Variants in ADGRG6 observed in about 807,000 individuals in gnomAD.
ADGRG6 encodes adhesion G protein-coupled receptor G6.
Under a neutral mutation model 142.4 loss-of-function variants are expected in ADGRG6, and 84 were observed. That is an observed-to-expected ratio of 0.59 (90% CI 0.49 to 0.71). The LOEUF (loss-of-function observed/expected upper bound fraction) is 0.71. ADGRG6 is among the 30% of genes least tolerant of loss of function. ADGRG6 has a pLI of 0.00. For synonymous variants in ADGRG6, 521 were observed against 520.5 expected (o/e 1.00, Z -0.01); for missense variants, 1,367 against 1,466.6 (o/e 0.93, Z 1.11).
chr6:142,321,105 T>C (rs1778491605), intron 2 of ADGRG6, among the ~76,000 whole-genome samples: 1 of 151,908 alleles, frequency 6.6e-6, no homozygotes. Flanking sequence ...TTGAAATGTT[T>C]AGTGAAATGG....
At position 142,445,003 on chromosome 6, in the gene ADGRG6, G is replaced by A. The variant is rs894030614; in HGVS notation, c.*1488G>A. ...AACCTAGAGGCCTTTCTCTCTGCAC[G>A]AAAAACAGGTAGTTTGCAGTCTGAG... is the stretch of plus-strand genomic sequence containing the variant. On this transcript the variant is annotated 3_prime_UTR_variant, in exon 25 of 25. Transcript: ENST00000367609. 6 of 152,252 alleles carry A rather than the reference G, an allele frequency of 3.9e-5. No individual in the cohort carries two copies. Among genetic ancestry groups the A allele is most frequent in the East Asian group, 1.9e-4 (1 of 5,170 alleles). 9.4% of individuals were successfully genotyped at this position (152,252 alleles called of 1,614,324 possible).
intron 2 of ADGRG6, among the ~76,000 whole-genome samples, chr6:142,365,098 T>C (rs923249071): frequency 1.3e-5 from 2 of 152,188 alleles, no homozygotes; most frequent in African/African-American, 4.8e-5. Context: ...TGCCTATAAC[T>C]GGATAAATTA....
chr6:142,331,457 C>T (rs982166173), intron 2 of ADGRG6, among the ~76,000 whole-genome samples: 1 of 152,012 alleles, frequency 6.6e-6, no homozygotes, highest in Non-Finnish European at 1.5e-5. Flanking sequence ...CTGTGTCTGT[C>T]GGTATAATCA....
intron 2 of ADGRG6, among the ~76,000 whole-genome samples, chr6:142,318,347 T>C (rs1426514799): frequency 1.1e-5 from 1 of 93,704 alleles, no homozygotes; most frequent in African/African-American, 5.4e-5. Flanking sequence ...TATTATATAT[T>C]TATATATTAT....
chr6:142,395,145 C>T (rs931034845), intron 9 of ADGRG6, among the ~76,000 whole-genome samples: 2 of 151,892 alleles, frequency 1.3e-5, no homozygotes, highest in Non-Finnish European at 2.9e-5. Context: ...TTTTTGTATA[C>T]ATAGTAAATG....
chr6:142,409,095 C>T (rs1014492881), intron 16 of ADGRG6, among the ~76,000 whole-genome samples: 4 of 152,082 alleles, frequency 2.6e-5, no homozygotes, highest in African/African-American at 9.7e-5. Flanking sequence ...TAAGTGTGTT[C>T]ACATTGTTAT....
chr6:142,352,601 A>G (rs948700100), intron 2 of ADGRG6, among the ~76,000 whole-genome samples: 19 of 152,164 alleles, frequency 1.2e-4, no homozygotes, highest in African/African-American at 4.1e-4. Flanking sequence ...GTACCCTCTG[A>G]ACCTAAAATA....
chr6:142,311,479 A>G (rs1334358732), intron 2 of ADGRG6, among the ~76,000 whole-genome samples: 1 of 151,974 alleles, frequency 6.6e-6, no homozygotes, highest in Non-Finnish European at 1.5e-5. Context: ...TTTGCCTTAT[A>G]AGATGACTCA....
intron 22 of ADGRG6, among the ~76,000 whole-genome samples, chr6:142,434,754 C>T (rs572825611): frequency 1.3e-5 from 2 of 152,204 alleles, no homozygotes; most frequent in East Asian, 3.9e-4. Context: ...AATTTATAGA[C>T]AGCACCTATT....
chr6:142,332,133 A>G (rs1047055078), intron 2 of ADGRG6, among the ~76,000 whole-genome samples: 2 of 152,168 alleles, frequency 1.3e-5, no homozygotes, highest in African/African-American at 4.8e-5. Flanking sequence ...ATGGAATGGG[A>G]TTTAAGATCA....
intron 22 of ADGRG6, among the ~76,000 whole-genome samples, chr6:142,434,624 A>C (rs1313504537): frequency 6.6e-6 from 1 of 152,122 alleles, no homozygotes; most frequent in Admixed American, 6.6e-5. Context: ...TCCGGCCCTG[A>C]AGAACTTTTT....
chr6:142,309,652 T>A lies in ADGRG6; in HGVS notation c.103+8T>A. The A allele has an allele frequency of 6.0e-6, 9 of 1,511,068 alleles. No individual in the cohort carries two copies. Among genetic ancestry groups the A allele is most frequent in the Non-Finnish European group, 8.2e-6 (9 of 1,097,200 alleles). 93.6% of individuals were successfully genotyped at this position (1,511,068 alleles called of 1,614,324 possible). The stretch of plus-strand genomic sequence containing the variant: ...TGTGTGTTCCTCACTCAGGTAAGAC[T>A]CTTCCTCTTTCACACCTGGAATTTA... On this transcript the variant is annotated splice_region_variant and intron_variant, in intron 2 of 24. Coordinates refer to ENST00000367609, the MANE Select transcript of ADGRG6 (RefSeq NM_198569.3).
chr6:142,318,905 G>A (rs77034117), intron 2 of ADGRG6, among the ~76,000 whole-genome samples: 2 of 152,180 alleles, frequency 1.3e-5, no homozygotes, highest in East Asian at 3.9e-4. Context: ...AAAGCTGAAT[G>A]AGGACTTCCA....
chr6:142,356,370 G>A (rs1243732165), intron 2 of ADGRG6, among the ~76,000 whole-genome samples: 1 of 152,130 alleles, frequency 6.6e-6, no homozygotes, highest in East Asian at 1.9e-4. Context: ...ATTTTCTTGA[G>A]CAGTAGGAAT....
chr6:142,383,587 T>G (rs1340266178), intron 5 of ADGRG6, among the ~76,000 whole-genome samples, 173 bp from the exon 6 acceptor site: 1 of 152,170 alleles, frequency 6.6e-6, no homozygotes, highest in Non-Finnish European at 1.5e-5. Context: ...ATTCTTAATG[T>G]GCCATAGAAA....
intron 2 of ADGRG6, among the ~76,000 whole-genome samples, chr6:142,328,032 A>G (rs1481756145): frequency 6.6e-6 from 1 of 152,132 alleles, no homozygotes; most frequent in Non-Finnish European, 1.5e-5. Context: ...AGTTAGGAAT[A>G]CTTAAGTGCC....
At chr6:142,322,404 TA>T (rs1013088956) in intron 2 of ADGRG6, among the ~76,000 whole-genome samples, 7 of 149,496 alleles carry the variant, frequency 4.7e-5, no homozygotes, top group South Asian at 4.2e-4. Context: ...CATCTCAAAA[TA>T]AAAAAAAAAT....
intron 20 of ADGRG6, among the ~76,000 whole-genome samples, chr6:142,416,345 AGTCTGAAGAAGCAGCTGGCAGGCAGTGAT>A (rs1380268632): frequency 6.6e-6 from 1 of 152,152 alleles, no homozygotes; most frequent in Non-Finnish European, 1.5e-5. Context: ...AGCCCACCCA[AGTCTGAAGAAGCAGCTGGCAGGCAGTGAT>A]GTCTTTTCCA....
rs1257519069 is a variant in ADGRG6 at position 142,400,492 on chromosome 6, T to C, written c.1575T>C (p.Cys525=). ...GTTCTTATGTTCATATAGGTCATTG[T>C]CTTGCCATGGAGGAACCCAAAGGCT... is the stretch of plus-strand genomic sequence containing the variant. The part of the protein sequence containing the change: ...HTVNVRQLGH[C]LAMEEPKGYY... Residue 525 remains cysteine (C), a synonymous_variant, in exon 11 of 25, where the codon TGT becomes TGC. Coordinates refer to ENST00000367609, the MANE Select transcript of ADGRG6 (RefSeq NM_198569.3). 6.7e-7 allele frequency: 1 copy of C among 1,501,058 alleles called. No homozygotes were observed. Among genetic ancestry groups the C allele is most frequent in the Admixed American group, 1.7e-5 (1 of 59,672 alleles). The allele number at this position is 1,501,058 out of a possible 1,614,324, so 93.0% of individuals were successfully genotyped here. A position where few individuals can be genotyped will look rare whatever the true frequency, so the allele number is the denominator to read the frequency against.
Sources: gnomAD v4.1 joint callset for allele counts (sites outside exome capture counted in the v4.1 genomes callset) on GRCh38, gnomAD v4.1.1 for gene constraint, MANE v1.5 for transcripts, NCBI Gene and HGNC (gene_info 2026-07-23, HGNC 2026-07-21) for gene names.